The following MED27 variants were observed in gnomAD, a reference collection of about 807,000 sequenced individuals.
The protein encoded by MED27 is mediator of RNA polymerase II transcription subunit 27.
In MED27, 30 loss-of-function variants were observed where a neutral mutation model predicts 38.2. The observed-to-expected ratio is 0.79, with a 90% CI of 0.59 to 1.07. The LOEUF (loss-of-function observed/expected upper bound fraction) is 1.07, where lower values mean the gene tolerates loss of function less well. MED27 is among the 50% of genes least tolerant of loss of function. The pLI is 0.00. For synonymous variants in MED27, 122 were observed against 153.5 expected (o/e 0.79, Z 1.52); for missense variants, 289 against 397.5 (o/e 0.73, Z 2.32).
At position 131,917,086 on chromosome 9, in the gene MED27, T is replaced by G. The variant is rs1830305077; in HGVS notation, c.573+22295A>C. ...ATAAAAGCACCAGGCATGGGAATCT[T>G]GTTCCTAAGGAGCCCCTGGAAATGG... On this transcript the variant is annotated intron_variant, in intron 4 of 7. Coordinates refer to ENST00000292035, the MANE Select transcript of MED27 (RefSeq NM_004269.4). This position sits in a 1 kb window ranked among gnomAD's most constrained non-coding sequence, Gnocchi z 4.6. Among the ~76,000 whole-genome samples, 1 of 152,174 alleles carries G rather than the reference T, an allele frequency of 6.6e-6. No homozygotes were observed. Among genetic ancestry groups the G allele is most frequent in the Admixed American group, 6.5e-5 (1 of 15,282 alleles).
intron 3 of MED27, among the ~76,000 whole-genome samples, chr9:131,944,565 T>C (rs1173485941): frequency 6.6e-6 from 1 of 150,998 alleles, no homozygotes; most frequent in African/African-American, 2.4e-5. Context: ...TCTCGCTCTG[T>C]CACCCAGGCT....
At chr9:131,882,333 C>T (rs1441889354) in intron 6 of MED27, among the ~76,000 whole-genome samples, 1 of 152,168 alleles carries the variant, frequency 6.6e-6, no homozygotes, top group Non-Finnish European at 1.5e-5. Context: ...GCTCAATGCA[C>T]ACCAGATTTT....
At chr9:131,953,607 T>C (rs1359674498) in intron 3 of MED27, among the ~76,000 whole-genome samples, 1 of 152,000 alleles carries the variant, frequency 6.6e-6, no homozygotes, top group Non-Finnish European at 1.5e-5. Flanking sequence ...TTACATTATT[T>C]AAGAATATTA....
chr9:132,075,567 G>T (rs1834028845), intron 2 of MED27, among the ~76,000 whole-genome samples: 1 of 152,128 alleles, frequency 6.6e-6, no homozygotes, highest in South Asian at 2.1e-4. Flanking sequence ...CAAGGGTGGG[G>T]GTTGAAGTAG....
intron 6 of MED27, among the ~76,000 whole-genome samples, chr9:131,875,764 C>T (rs982772532): frequency 6.6e-6 from 1 of 152,242 alleles, no homozygotes; most frequent in African/African-American, 2.4e-5. Context: ...CAGGCACATG[C>T]CACCACACCC....
At chr9:131,956,135 G>C (rs554702733) in intron 3 of MED27, among the ~76,000 whole-genome samples, 1 of 152,132 alleles carries the variant, frequency 6.6e-6, no homozygotes, top group Non-Finnish European at 1.5e-5. Flanking sequence ...ACCTGCTAAA[G>C]GTATGAACCT....
intron 4 of MED27, among the ~76,000 whole-genome samples, chr9:131,898,789 T>C (rs1457543292): frequency 6.6e-6 from 1 of 151,994 alleles, no homozygotes; most frequent in African/African-American, 2.4e-5. Flanking sequence ...TTCACTATGT[T>C]GGCCAGGCTG....
At chr9:131,899,023 A>G (rs1241872985) in intron 4 of MED27, among the ~76,000 whole-genome samples, 12 of 152,238 alleles carry the variant, frequency 7.9e-5, no homozygotes, top group East Asian at 1.9e-4. Flanking sequence ...AGATAATGGC[A>G]CTCCCATCTC....
At chr9:131,953,100 T>C (rs927749229) in intron 3 of MED27, among the ~76,000 whole-genome samples, 2 of 152,270 alleles carry the variant, frequency 1.3e-5, no homozygotes, top group Admixed American at 6.5e-5. Flanking sequence ...GCGCTCTGCT[T>C]AACTGAACAA....
chr9:132,067,557 A>G (rs1833835986), intron 2 of MED27, among the ~76,000 whole-genome samples: 1 of 152,212 alleles, frequency 6.6e-6, no homozygotes, highest in Non-Finnish European at 1.5e-5. Flanking sequence ...AAAGAAGAAG[A>G]GCAGGGAAAG....
At chr9:132,056,763 C>A (rs1466457401) in intron 2 of MED27, among the ~76,000 whole-genome samples, 3 of 152,172 alleles carry the variant, frequency 2.0e-5, no homozygotes, top group Admixed American at 2.0e-4. Context: ...CAGCATAACA[C>A]CTCTGTCTCT....
intron 4 of MED27, among the ~76,000 whole-genome samples, chr9:131,905,709 A>G (rs886597083): frequency 2.9e-5 from 3 of 104,296 alleles, no homozygotes; most frequent in Non-Finnish European, 3.9e-5. Flanking sequence ...GTCAAAAAAA[A>G]AAAAAAAAAA....
chr9:132,073,231 C>A, intron 2 of MED27: 1 of 763,368 alleles, frequency 1.3e-6, no homozygotes, highest in Non-Finnish European at 1.6e-6. Context: ...TGCCTCCCAT[C>A]CAAGCACCAC....
intron 5 of MED27, among the ~76,000 whole-genome samples, chr9:131,886,968 TGAACTTG>T (rs1230134522): frequency 6.6e-6 from 1 of 152,210 alleles, no homozygotes; most frequent in Non-Finnish European, 1.5e-5. Context: ...CACCGATGTC[TGAACTTG>T]GAACTAATAT....
At chr9:131,947,347 T>C (rs773066841) in intron 3 of MED27, among the ~76,000 whole-genome samples, 1 of 152,230 alleles carries the variant, frequency 6.6e-6, no homozygotes, top group Non-Finnish European at 1.5e-5. Flanking sequence ...AATCCCTGCA[T>C]GTGTTTTAGT....
chr9:131,897,699 T>C (rs1163779985), intron 4 of MED27, among the ~76,000 whole-genome samples: 1 of 152,198 alleles, frequency 6.6e-6, no homozygotes, highest in Non-Finnish European at 1.5e-5. Context: ...GAAGCTGGGA[T>C]GGGTTCATGG....
rs1259948088 is a variant in MED27 at position 131,889,157 on chromosome 9, C to A, written c.681+4728G>T. 6.6e-6 allele frequency among the ~76,000 whole-genome samples: 1 copy of A among 152,184 alleles called. No individual in the cohort carries two copies. Among genetic ancestry groups the A allele is most frequent in the Non-Finnish European group, 1.5e-5 (1 of 68,024 alleles). ...AATCAGATTCAGCTCCCCACCCCCT[C>A]GACCCACATGCACACACACAGCCAA... On this transcript the variant is annotated intron_variant, in intron 5 of 7. Coordinates refer to ENST00000292035, the MANE Select transcript of MED27 (RefSeq NM_004269.4). This position sits in a 1 kb window ranked among gnomAD's most constrained non-coding sequence, Gnocchi z 4.2.
chr9:131,971,022 C>T (rs1007555060), intron 3 of MED27, among the ~76,000 whole-genome samples: 4 of 152,032 alleles, frequency 2.6e-5, no homozygotes, highest in South Asian at 2.1e-4. Context: ...AACAAGTGTT[C>T]GGGGGTAGAA....
chr9:131,957,491 A>T (rs983876121), intron 3 of MED27, among the ~76,000 whole-genome samples: 15 of 152,088 alleles, frequency 9.9e-5, no homozygotes, highest in Non-Finnish European at 1.9e-4. Context: ...CTTGAGCTCA[A>T]GCGAGCCTCC....
Sources: gnomAD v4.1 joint callset for allele counts (sites outside exome capture counted in the v4.1 genomes callset) on GRCh38, gnomAD v4.1.1 for gene constraint, Gnocchi (gnomAD v3.1) non-coding constraint, MANE v1.5 for transcripts, NCBI Gene and HGNC (gene_info 2026-07-23, HGNC 2026-07-21) for gene names.